CRPPA: variants seen among roughly 807,000 people sequenced by gnomAD.
CRPPA encodes the protein D-ribitol-5-phosphate cytidylyltransferase.
Under a neutral mutation model 52.0 loss-of-function variants are expected in CRPPA, and 43 were observed. The ratio of observed to expected loss-of-function variants is 0.83; its 90% CI spans 0.65 to 1.07. The LOEUF (loss-of-function observed/expected upper bound fraction) is 1.07, where lower values mean the gene tolerates loss of function less well. Ranked by LOEUF, CRPPA falls within the 50% of genes least tolerant of loss-of-function variation. The pLI is 0.00. For synonymous variants in CRPPA, 250 were observed against 203.5 expected (o/e 1.23, Z -1.94); for missense variants, 629 against 551.7 (o/e 1.14, Z -1.40).
chr7:16,100,110 T>A (rs1205330053), intron 9 of CRPPA, among the ~76,000 whole-genome samples: 1 of 152,198 alleles, frequency 6.6e-6, no homozygotes, highest in Non-Finnish European at 1.5e-5. Flanking sequence ...TAATCAACCC[T>A]TCTAACTGCA....
At chr7:16,124,432 A>G (rs1009507024) in intron 9 of CRPPA, among the ~76,000 whole-genome samples, 4 of 152,200 alleles carry the variant, frequency 2.6e-5, no homozygotes, top group African/African-American at 9.6e-5. Flanking sequence ...TCACTTGTGG[A>G]TAACATGGAT....
chr7:16,142,145 C>A (rs1782885634), intron 9 of CRPPA, among the ~76,000 whole-genome samples: 1 of 152,166 alleles, frequency 6.6e-6, no homozygotes, highest in Admixed American at 6.5e-5. Context: ...TCTAAGAGCT[C>A]TGCCACAGAT....
At chr7:16,172,598 T>C (rs912151750) in intron 9 of CRPPA, among the ~76,000 whole-genome samples, 7 of 152,172 alleles carry the variant, frequency 4.6e-5, no homozygotes, top group Admixed American at 6.5e-5. Flanking sequence ...AATAAAGACT[T>C]CTTAGTGGGC....
At chr7:16,345,934 T>C (rs1426929891) in intron 3 of CRPPA, among the ~76,000 whole-genome samples, 1 of 152,214 alleles carries the variant, frequency 6.6e-6, no homozygotes, top group Non-Finnish European at 1.5e-5. Context: ...TACTCATTGC[T>C]GAATTCACTT....
chr7:16,265,978 A>G (rs1416249872), intron 6 of CRPPA, among the ~76,000 whole-genome samples: 1 of 152,182 alleles, frequency 6.6e-6, no homozygotes, highest in Non-Finnish European at 1.5e-5. Flanking sequence ...ACTGGACATC[A>G]GTGTTACTCT....
intron 9 of CRPPA, among the ~76,000 whole-genome samples, chr7:16,145,206 C>T (rs1286272954): frequency 6.6e-6 from 1 of 152,186 alleles, no homozygotes; most frequent in Non-Finnish European, 1.5e-5. Context: ...CAGAAGCATG[C>T]TCACAAACCT....
At chr7:16,142,896 C>A (rs928559529) in intron 9 of CRPPA, among the ~76,000 whole-genome samples, 1 of 152,070 alleles carries the variant, frequency 6.6e-6, no homozygotes, top group East Asian at 1.9e-4. Context: ...AATAACAATT[C>A]ACCAAGATGA....
At chr7:16,098,335 G>A (rs1027729518) in intron 9 of CRPPA, among the ~76,000 whole-genome samples, 3 of 152,068 alleles carry the variant, frequency 2.0e-5, no homozygotes, top group African/African-American at 7.2e-5. Flanking sequence ...ATGTATTTAG[G>A]CTTTAGATGT....
At position 16,208,182 on chromosome 7, in the gene CRPPA, A is replaced by G. The variant is rs1353533773; in HGVS notation, c.1251+7884T>C. On this transcript the variant is annotated intron_variant, in intron 9 of 9. Coordinates refer to ENST00000407010, the MANE Select transcript of CRPPA (RefSeq NM_001101426.4). ...AATATGATGCTTTAATTAAAACATA[A>G]AACTCATAAAGTGTCAAAAATAATT... 2.0e-5 allele frequency among the ~76,000 whole-genome samples: 3 copies of G among 152,214 alleles called. No homozygotes were observed. The South Asian group carries it at 6.2e-4, about 31-fold the overall frequency.
chr7:16,119,275 G>A (rs1446130052), intron 9 of CRPPA, among the ~76,000 whole-genome samples: 1 of 152,006 alleles, frequency 6.6e-6, no homozygotes, highest in Non-Finnish European at 1.5e-5. Flanking sequence ...CCAGCCCTGG[G>A]CAGGCACACA....
intron 9 of CRPPA, among the ~76,000 whole-genome samples, chr7:16,158,135 C>T (rs908483887): frequency 1.4e-4 from 21 of 151,210 alleles, no homozygotes; most frequent in African/African-American, 3.9e-4. Flanking sequence ...CCGCCCACTT[C>T]GGCCTCCCAA....
Position 16,421,441 on chromosome 7 carries a change from C to G in CRPPA, c.-119G>C. 2.9e-6 allele frequency: 3 copies of G among 1,026,896 alleles called. No homozygotes were observed. Among genetic ancestry groups the G allele is most frequent in the Non-Finnish European group, 3.7e-6 (3 of 808,950 alleles). 63.6% of individuals were successfully genotyped at this position (1,026,896 alleles called of 1,614,324 possible). On this transcript the variant is annotated 5_prime_UTR_variant, in exon 1 of 10. Transcript: ENST00000407010. ...ACCACGGAGAGGGACGCAGAGCGCG[C>G]AAGCAGAAGGCGCCCCCCTCAGCCG... is the stretch of plus-strand genomic sequence containing the variant.
At position 16,421,435 on chromosome 7, in the gene CRPPA, A is replaced by G; in HGVS notation, c.-113T>C. ...GGGCAGACCACGGAGAGGGACGCAG[A>G]GCGCGCAAGCAGAAGGCGCCCCCCT... On this transcript the variant is annotated 5_prime_UTR_variant, in exon 1 of 10. Transcript: ENST00000407010. 9.3e-7 allele frequency: 1 copy of G among 1,075,542 alleles called. No individual in the cohort carries two copies. The highest frequency in any genetic ancestry group is 1.2e-6 in the Non-Finnish European group (1 of 853,224). The allele number at this position is 1,075,542 out of a possible 1,614,324, so 66.6% of individuals were successfully genotyped here.
intron 8 of CRPPA, among the ~76,000 whole-genome samples, chr7:16,219,124 C>G (rs1782424573): frequency 1.3e-5 from 2 of 152,090 alleles, no homozygotes; most frequent in South Asian, 2.1e-4. Flanking sequence ...AACTAGAACT[C>G]AGGATTAAGA....
At chr7:16,193,886 A>G (rs1303100769) in intron 9 of CRPPA, among the ~76,000 whole-genome samples, 1 of 152,084 alleles carries the variant, frequency 6.6e-6, no homozygotes, top group Non-Finnish European at 1.5e-5. Context: ...GATTTCCCTC[A>G]ACTCTTAAGG....
At chr7:16,369,351 A>G (rs1786689207) in intron 3 of CRPPA, among the ~76,000 whole-genome samples, 1 of 152,228 alleles carries the variant, frequency 6.6e-6, no homozygotes, top group Non-Finnish European at 1.5e-5. Flanking sequence ...ATGTTCTTCT[A>G]TACAATGTCT....
chr7:16,389,928 A>AAAAAAAAAAAAAAAAATATATATATAT, intron 2 of CRPPA, among the ~76,000 whole-genome samples: 1 of 29,770 alleles, frequency 3.4e-5, no homozygotes, highest in Non-Finnish European at 5.3e-5. Context: ...AAAAAAAAAA[A>AAAAAAAAAAAAAAAAATATATATATAT]ATATATATAT....
rs1306408926 is a variant in CRPPA, at chr7:16,117,283, C to T, written c.1252-25484G>A. 2.0e-5 allele frequency among the ~76,000 whole-genome samples: 3 copies of T among 152,256 alleles called. No homozygotes were observed. In the East Asian group the frequency reaches 5.8e-4, roughly 29 times the overall value. ...GAAACCAGGTAGTGTGAATCTGTTC[C>T]AGGCCAAATCTGCAGCATCAGGGGT... On this transcript the variant is annotated intron_variant, in intron 9 of 9. Coordinates refer to ENST00000407010, the MANE Select transcript of CRPPA (RefSeq NM_001101426.4).
At chr7:16,321,250 G>A (rs1360018500) in intron 3 of CRPPA, among the ~76,000 whole-genome samples, 3 of 152,004 alleles carry the variant, frequency 2.0e-5, no homozygotes, top group African/African-American at 7.2e-5. Flanking sequence ...CATTTCTACT[G>A]ACCTTCATAT....
Sources: gnomAD v4.1 joint callset for allele counts (sites outside exome capture counted in the v4.1 genomes callset) on GRCh38, gnomAD v4.1.1 for gene constraint, MANE v1.5 for transcripts, NCBI Gene and HGNC (gene_info 2026-07-23, HGNC 2026-07-21) for gene names.